Variants in RANBP2 observed in about 807,000 individuals in gnomAD.
RANBP2 encodes RAN binding protein 2.
A neutral mutation model predicts 303.6 loss-of-function variants in RANBP2; 57 were observed. The ratio of observed to expected loss-of-function variants is 0.19; its 90% CI spans 0.15 to 0.23. RANBP2 has a LOEUF of 0.23. Among genes scored for constraint, RANBP2 ranks in the 10% least tolerant of loss-of-function variants. RANBP2 has a pLI of 1.00. For synonymous variants in RANBP2, 1,167 were observed against 1,301.5 expected, an observed-to-expected ratio of 0.90 and a Z score of 2.23; for missense variants, 3,138 against 3,780.8, an observed-to-expected ratio of 0.83 and a Z score of 4.46.
At chr2:109,402,043 G>C in the RANBP2 span, among the ~76,000 whole-genome samples, 1 of 152,218 alleles carries the variant, frequency 6.6e-6, no homozygotes. Context: ...CTGTCTCCCT[G>C]TCCTGATTTA....
chr2:109,555,719 A>G, the RANBP2 span, among the ~76,000 whole-genome samples: 1 of 152,184 alleles, frequency 6.6e-6, no homozygotes, highest in South Asian at 2.1e-4. Context: ...CAGCTGACCA[A>G]TCGTTACCTC....
the RANBP2 span, chr2:109,574,565 C>T: frequency 0.04 from 57,673 of 1,458,040 alleles, 2,092 homozygotes; most frequent in African/African-American, 0.18. Flanking sequence ...TAAGTTGATT[C>T]CTTTCCTCAA....
the RANBP2 span, among the ~76,000 whole-genome samples, chr2:108,853,852 C>G: frequency 3.3e-5 from 4 of 121,556 alleles, no homozygotes; most frequent in East Asian, 2.2e-4. Flanking sequence ...TATATATATA[C>G]TATATATATA....
the RANBP2 span, among the ~76,000 whole-genome samples, chr2:109,272,465 G>C: frequency 6.6e-6 from 1 of 152,230 alleles, no homozygotes; most frequent in Non-Finnish European, 1.5e-5. Context: ...TGCTTTCCTG[G>C]TGTGTGGGAC....
At chr2:109,446,824 C>G in the RANBP2 span, among the ~76,000 whole-genome samples, 1 of 152,064 alleles carries the variant, frequency 6.6e-6, no homozygotes, top group South Asian at 2.1e-4. Flanking sequence ...GGGAAGCCGG[C>G]CAGGAGGTAG....
At chr2:108,727,755 A>G (rs1436426105) in intron 1 of RANBP2, among the ~76,000 whole-genome samples, 1 of 151,990 alleles carries the variant, frequency 6.6e-6, no homozygotes, top group Non-Finnish European at 1.5e-5. Flanking sequence ...GGGGTGTGCC[A>G]CCATGCCCAG....
chr2:109,044,249 G>C, the RANBP2 span, among the ~76,000 whole-genome samples: 1 of 151,992 alleles, frequency 6.6e-6, no homozygotes, highest in African/African-American at 2.4e-5. Context: ...TACCGGGCGC[G>C]GTGGCTCACT....
the RANBP2 span, among the ~76,000 whole-genome samples, chr2:109,741,450 G>T: frequency 9.3e-5 from 14 of 150,050 alleles, no homozygotes; most frequent in African/African-American, 3.4e-4. Flanking sequence ...CGGGCTCGGT[G>T]CCCCACGCCT....
the RANBP2 span, among the ~76,000 whole-genome samples, chr2:109,627,227 C>T: frequency 7.9e-5 from 12 of 152,308 alleles, no homozygotes; most frequent in East Asian, 1.3e-3. Context: ...GATGGGGTCT[C>T]GCTCTGTCAC....
the RANBP2 span, among the ~76,000 whole-genome samples, chr2:109,649,030 C>T: frequency 4.6e-5 from 7 of 152,238 alleles, no homozygotes; most frequent in South Asian, 8.3e-4. Flanking sequence ...GTCACAACAA[C>T]GGCGACCTGG....
the RANBP2 span, among the ~76,000 whole-genome samples, chr2:108,811,453 T>C: frequency 6.6e-6 from 1 of 151,946 alleles, no homozygotes; most frequent in Non-Finnish European, 1.5e-5. Context: ...ATTGTGTTGC[T>C]GAGGCTGGTC....
the RANBP2 span, among the ~76,000 whole-genome samples, chr2:108,973,587 T>C: frequency 6.6e-6 from 1 of 152,090 alleles, no homozygotes; most frequent in Non-Finnish European, 1.5e-5. Context: ...CCTCAATGAC[T>C]TCTTCCCTCA....
At chr2:109,065,166 G>C in the RANBP2 span, among the ~76,000 whole-genome samples, 4 of 152,168 alleles carry the variant, frequency 2.6e-5, no homozygotes, top group Non-Finnish European at 4.4e-5. Context: ...CCAACATTAG[G>C]AGGCACTCTA....
chr2:108,993,744 C>T, the RANBP2 span, among the ~76,000 whole-genome samples: 7 of 152,190 alleles, frequency 4.6e-5, no homozygotes, highest in Non-Finnish European at 1.0e-4. Flanking sequence ...AAACTTTGAA[C>T]ACTGACCCCC....
the RANBP2 span, among the ~76,000 whole-genome samples, chr2:108,976,162 T>C: frequency 6.6e-6 from 1 of 152,212 alleles, no homozygotes; most frequent in African/African-American, 2.4e-5. Flanking sequence ...GATCCCACTT[T>C]ACATTTAATC....
At chr2:109,414,997 G>A in the RANBP2 span, among the ~76,000 whole-genome samples, 1 of 152,234 alleles carries the variant, frequency 6.6e-6, no homozygotes, top group South Asian at 2.1e-4. Flanking sequence ...CAGCCACAAA[G>A]GCCCTCCCGA....
At chr2:109,704,896 A>T in the RANBP2 span, among the ~76,000 whole-genome samples, 2 of 152,148 alleles carry the variant, frequency 1.3e-5, no homozygotes, top group African/African-American at 2.4e-5. Flanking sequence ...TCAAAGACTC[A>T]ATAAGAGAAA....
the RANBP2 span, among the ~76,000 whole-genome samples, chr2:109,533,799 T>A: frequency 6.6e-6 from 1 of 152,224 alleles, no homozygotes; most frequent in African/African-American, 2.4e-5. Context: ...TTTCAAGATT[T>A]CTCCAGCTCC....
chr2:109,694,140 G>A, the RANBP2 span, among the ~76,000 whole-genome samples: 1 of 152,150 alleles, frequency 6.6e-6, no homozygotes, highest in South Asian at 2.1e-4. Flanking sequence ...CCTGGTGGGA[G>A]GAGATTGGAT....
Sources: allele counts gnomAD v4.1 joint callset (sites outside exome capture counted in the v4.1 genomes callset), GRCh38; gene constraint gnomAD v4.1.1; transcripts MANE v1.5; gene names NCBI Gene and HGNC (gene_info 2026-07-23, HGNC 2026-07-21).